The following PPP2R3A variants were observed in gnomAD, a reference collection of about 807,000 sequenced individuals.
The protein encoded by PPP2R3A is serine/threonine-protein phosphatase 2A regulatory subunit B'' subunit alpha.
In PPP2R3A, 80 loss-of-function variants were observed where a neutral mutation model predicts 106.9. The ratio of observed to expected loss-of-function variants is 0.75; its 90% CI spans 0.62 to 0.90. The LOEUF is 0.90. PPP2R3A is among the 40% of genes least tolerant of loss of function. The probability of loss-of-function intolerance (pLI) is 0.00; values close to 1 mark genes in which losing one functional copy is unlikely to be tolerated. For synonymous variants in PPP2R3A, 483 were observed against 468.3 expected, an observed-to-expected ratio of 1.03 and a Z score of -0.41; for missense variants, 1,386 against 1,350.4, an observed-to-expected ratio of 1.03 and a Z score of -0.41.
chr3:136,087,783 G>A, intron 8 of PPP2R3A, 100 bp from the exon 9 acceptor site: 1 of 760,428 alleles, frequency 1.3e-6, no homozygotes, highest in South Asian at 1.7e-5. Flanking sequence ...GATGGTTACG[G>A]TTTAGCTTGT....
intron 7 of PPP2R3A, among the ~76,000 whole-genome samples, chr3:136,079,746 C>CTT (rs79330361): frequency 8.4e-5 from 12 of 142,586 alleles, no homozygotes; most frequent in African/African-American, 2.8e-4. Flanking sequence ...AAAATTAATC[C>CTT]TTTTTTTTTT....
intron 1 of PPP2R3A, among the ~76,000 whole-genome samples, chr3:135,971,056 A>G (rs1398072908): frequency 6.6e-6 from 1 of 152,198 alleles, no homozygotes; most frequent in Non-Finnish European, 1.5e-5. Context: ...GTATGCTGAA[A>G]ATGGAATACT....
At chr3:136,126,412 TG>T (rs1938184494) in intron 13 of PPP2R3A, among the ~76,000 whole-genome samples, 1 of 152,154 alleles carries the variant, frequency 6.6e-6, no homozygotes, top group South Asian at 2.1e-4. Context: ...GTAGCTGGGC[TG>T]GGGGAGGGTT....
At chr3:136,035,851 G>T (rs1028439664) in intron 3 of PPP2R3A, among the ~76,000 whole-genome samples, 1 of 152,048 alleles carries the variant, frequency 6.6e-6, no homozygotes, top group African/African-American at 2.4e-5. Context: ...TCTTCCTCAG[G>T]AACACCAATC....
intron 7 of PPP2R3A, among the ~76,000 whole-genome samples, chr3:136,080,961 A>T (rs1936761266): frequency 6.6e-6 from 1 of 152,118 alleles, no homozygotes; most frequent in Admixed American, 6.6e-5. Flanking sequence ...TTGTGTTATG[A>T]AATAGTCCTC....
At chr3:136,099,854 A>G (rs1937313097) in intron 10 of PPP2R3A, among the ~76,000 whole-genome samples, 1 of 152,030 alleles carries the variant, frequency 6.6e-6, no homozygotes, top group South Asian at 2.1e-4. Flanking sequence ...CAGATGCTCA[A>G]AAGGCCACAT....
intron 5 of PPP2R3A, among the ~76,000 whole-genome samples, chr3:136,066,035 T>A (rs6439622): frequency 0.45 from 67,847 of 152,034 alleles, 17,166 homozygotes; most frequent in African/African-American, 0.7. Context: ...AAATGTGAAA[T>A]CCTAGATGAA....
intron 1 of PPP2R3A, among the ~76,000 whole-genome samples, chr3:135,991,833 C>T (rs576560570): frequency 4.6e-5 from 7 of 152,074 alleles, no homozygotes; most frequent in African/African-American, 1.2e-4. Flanking sequence ...TTCTCCACTG[C>T]GGTAAAAATA....
intron 13 of PPP2R3A, among the ~76,000 whole-genome samples, chr3:136,130,865 C>T (rs1368932187): frequency 6.6e-6 from 1 of 152,130 alleles, no homozygotes; most frequent in Non-Finnish European, 1.5e-5. Flanking sequence ...ACATCTACAA[C>T]CATCTGATCT....
chr3:136,132,269 GC>G (rs1188681072), intron 13 of PPP2R3A, among the ~76,000 whole-genome samples: 1 of 152,108 alleles, frequency 6.6e-6, no homozygotes, highest in Non-Finnish European at 1.5e-5. Context: ...CCTAGCCAGG[GC>G]AGTAAGGCAA....
At chr3:136,042,492 TTAAAAA>T (rs1425164217) in intron 4 of PPP2R3A, among the ~76,000 whole-genome samples, 2 of 152,226 alleles carry the variant, frequency 1.3e-5, no homozygotes, top group African/African-American at 4.8e-5. Context: ...ACCTTGGAAC[TTAAAAA>T]TAAAAAAATT....
intron 4 of PPP2R3A, among the ~76,000 whole-genome samples, chr3:136,043,951 C>T (rs1258477527): frequency 6.6e-6 from 1 of 152,172 alleles, no homozygotes; most frequent in African/African-American, 2.4e-5. Flanking sequence ...CTTTCTATTT[C>T]ACAGCAAAAG....
intron 7 of PPP2R3A, 126 bp from the exon 8 acceptor site, chr3:136,082,139 G>T: frequency 1.4e-6 from 1 of 709,956 alleles, no homozygotes; most frequent in Non-Finnish European, 2.3e-6. Context: ...GCCTATTAAA[G>T]GGTTTCTGAT....
chr3:136,003,077 C>CT lies in PPP2R3A; in HGVS notation c.1580dup (p.Arg528LysfsTer8). 6.2e-7 allele frequency: 1 copy of CT among 1,611,336 alleles called. No homozygotes were observed. Among genetic ancestry groups the CT allele is most frequent in the African/African-American group, 1.3e-5 (1 of 74,712 alleles). On this transcript the variant is annotated frameshift_variant, in exon 2 of 14. Coordinates refer to ENST00000264977, the MANE Select transcript of PPP2R3A (RefSeq NM_002718.5). LOFTEE classifies it high-confidence loss of function. Reference sequence around the variant, plus strand: ...TTTTTCACAGAAGATGGAGACCTCTCTAAGAGAGCCACTTGCGAAGGGTAA... The same window carrying CT: ...TTTTTCACAGAAGATGGAGACCTCTCTTAAGAGAGCCACTTGCGAAGGGTAA...
intron 8 of PPP2R3A, among the ~76,000 whole-genome samples, chr3:136,087,245 G>GTCTGTCTCTCTCTCTC (rs1936965334): frequency 1.3e-5 from 1 of 75,078 alleles, no homozygotes; most frequent in Non-Finnish European, 2.5e-5. Context: ...CTCTAGTCGT[G>GTCTGTCTCTCTCTCTC]TCTCTCTCTC....
At chr3:136,131,246 A>T (rs1401732174) in intron 13 of PPP2R3A, among the ~76,000 whole-genome samples, 1 of 152,216 alleles carries the variant, frequency 6.6e-6, no homozygotes, top group Admixed American at 6.5e-5. Flanking sequence ...AGAATGGGAG[A>T]AAATTTTTGC....
chr3:135,987,791 T>C (rs1460130321), intron 1 of PPP2R3A, among the ~76,000 whole-genome samples: 1 of 152,176 alleles, frequency 6.6e-6, no homozygotes, highest in Admixed American at 6.5e-5. Flanking sequence ...GTTATTTCAA[T>C]TGGCTGTATT....
chr3:136,067,944 C>G (rs967427218), intron 5 of PPP2R3A, among the ~76,000 whole-genome samples: 3 of 152,170 alleles, frequency 2.0e-5, no homozygotes, highest in African/African-American at 7.2e-5. Context: ...ATCAAGAGAA[C>G]ACAGGTGGCC....
intron 4 of PPP2R3A, among the ~76,000 whole-genome samples, chr3:136,041,188 C>G (rs1333129591): frequency 1.4e-5 from 2 of 138,954 alleles, no homozygotes; most frequent in African/African-American, 5.6e-5. Context: ...CTGCAGAAAT[C>G]TTTCTTTAAA....
Sources: gnomAD v4.1 joint callset for allele counts (sites outside exome capture counted in the v4.1 genomes callset) on GRCh38, gnomAD v4.1.1 for gene constraint, MANE v1.5 for transcripts, NCBI Gene and HGNC (gene_info 2026-07-23, HGNC 2026-07-21) for gene names.